Variants in MGAT5 observed in about 807,000 individuals in gnomAD.
MGAT5 encodes the protein alpha-1,6-mannosylglycoprotein 6-beta-N-acetylglucosaminyltransferase.
Under a neutral mutation model 94.3 loss-of-function variants are expected in MGAT5, and 30 were observed. That is an observed-to-expected ratio of 0.32 (90% CI 0.24 to 0.43). The LOEUF (loss-of-function observed/expected upper bound fraction) is 0.43, where lower values mean the gene tolerates loss of function less well. MGAT5 is among the 20% of genes least tolerant of loss of function. The pLI is 1.00. For missense variants in MGAT5, 691 were observed against 905.5 expected, an observed-to-expected ratio of 0.76 and a Z score of 3.04; for synonymous variants, 310 against 322.9, an observed-to-expected ratio of 0.96 and a Z score of 0.43.
rs146396288 is a variant in MGAT5 at position 134,317,564 on chromosome 2, C to T, written c.442C>T (p.Pro148Ser). Residue 148 changes from proline (P) to serine (S), a missense_variant, in exon 3 of 16, where the codon CCT (proline) becomes TCT (serine). This residue lies in a region of MGAT5 where 307 missense variants were observed against 335.4 expected (regional missense o/e 0.92). Coordinates refer to ENST00000281923, the MANE Select transcript of MGAT5 (RefSeq NM_002410.5). ...CGGAGCTCAAGAAAAATGTGTATTG[C>T]CTCCTATGGACGGCTACCCTCACTG... Reference protein sequence around the residue: ...INGAQEKCVLPPMDGYPHCEG... With the variant: ...INGAQEKCVLSPMDGYPHCEG... The T allele has an allele frequency of 4.8e-5, 76 of 1,569,714 alleles. No homozygotes were observed. The African/African-American group carries it at 9.7e-4, about 20-fold the overall frequency.
At chr2:134,265,701 C>T (rs749910160) in intron 1 of MGAT5, among the ~76,000 whole-genome samples, 59 of 152,034 alleles carry the variant, frequency 3.9e-4, no homozygotes, top group Non-Finnish European at 5.3e-4. Flanking sequence ...TTTAAAAGCT[C>T]ATTAGTAATT....
At position 134,227,109 on chromosome 2, in the gene MGAT5, AGT is replaced by A. The variant is rs550033658; in HGVS notation, c.-142-27150_-142-27149del. On this transcript the variant is annotated intron_variant, in intron 1 of 16. Coordinates refer to the MGAT5 transcript ENST00000409645. ...TACCAAGGGTATATCCTTATCAATG[AGT>A]GTAACTGGTGTTGTGTTCTCTCTGG... Among the ~76,000 whole-genome samples, 26 of 152,176 alleles carry A rather than the reference AGT, an allele frequency of 1.7e-4. No homozygotes were observed. In the South Asian group the frequency reaches 5.4e-3, roughly 32 times the overall value.
At chr2:134,362,248 T>C (rs1341147124) in intron 9 of MGAT5, 27 bp from the exon 10 acceptor site, 2 of 1,608,632 alleles carry the variant, frequency 1.2e-6, no homozygotes. Context: ...GGACACTAAC[T>C]GTCCTCTCCA....
chr2:134,325,386 A>G (rs888262867), intron 4 of MGAT5, among the ~76,000 whole-genome samples: 9 of 152,124 alleles, frequency 5.9e-5, no homozygotes. Flanking sequence ...AAACTTTTTA[A>G]TATGCAAAAT....
rs1207342540 is a variant in MGAT5, at chr2:134,186,346, G to T, written c.-143+66055G>T. On this transcript the variant is annotated intron_variant, in intron 1 of 16. Coordinates refer to the MGAT5 transcript ENST00000409645. ...GTATAAAGACTGAGCAGCCAGAGGG[G>T]ATAGTCAAGGAAAAAGGAGCCCTGG... 5.3e-5 allele frequency among the ~76,000 whole-genome samples: 8 copies of T among 152,108 alleles called. No homozygotes were observed. The East Asian group carries it at 1.5e-3, about 29-fold the overall frequency.
At chr2:134,285,479 A>G (rs1684945848) in intron 2 of MGAT5, among the ~76,000 whole-genome samples, 1 of 152,180 alleles carries the variant, frequency 6.6e-6, no homozygotes, top group Non-Finnish European at 1.5e-5. Flanking sequence ...GTTTCTTAGA[A>G]ACAGAATGGC....
In MGAT5 at chr2:134,273,131, T is replaced by TG. The variant is rs151315415; in HGVS notation, c.406+2590dup. Among the ~76,000 whole-genome samples the TG allele has an allele frequency of 8.3e-3, 1,247 of 150,596 alleles. 17 individuals carry two copies. Among genetic ancestry groups the TG allele is most frequent in the Admixed American group, 0.018 (274 of 15,100 alleles). ...AGCCTTCTTCATTTCCCCCAGAAGGTGGGGGGGGGTCCTTTATATCTTGTC... is the reference window on the plus strand; with the variant it reads ...AGCCTTCTTCATTTCCCCCAGAAGGTGGGGGGGGGGTCCTTTATATCTTGTC... On this transcript the variant is annotated intron_variant, in intron 2 of 15. Coordinates refer to ENST00000281923, the MANE Select transcript of MGAT5 (RefSeq NM_002410.5).
intron 5 of MGAT5, 91 bp from the exon 6 acceptor site, chr2:134,338,168 C>A: frequency 9.3e-7 from 1 of 1,076,904 alleles, no homozygotes; most frequent in Non-Finnish European, 1.3e-6. Context: ...AATTGACTAA[C>A]CCTTTTAAGT....
chr2:134,387,332 A>ATATATATATATATATATC, intron 10 of MGAT5, among the ~76,000 whole-genome samples: 1 of 24,274 alleles, frequency 4.1e-5, no homozygotes, highest in Non-Finnish European at 6.4e-5. Context: ...ATATATATAT[A>ATATATATATATATATATC]TTTTTTTTTT....
At chr2:134,152,856 A>G (rs1046785958) in intron 1 of MGAT5, among the ~76,000 whole-genome samples, 2 of 151,940 alleles carry the variant, frequency 1.3e-5, no homozygotes, top group Non-Finnish European at 2.9e-5. Flanking sequence ...AACTTGTCAA[A>G]AGGGGAGATC....
intron 10 of MGAT5, among the ~76,000 whole-genome samples, chr2:134,375,711 G>T (rs1049248867): frequency 4.6e-5 from 7 of 152,192 alleles, no homozygotes; most frequent in African/African-American, 9.6e-5. Context: ...TTAAAAATTG[G>T]GTGGTAGAGC....
chr2:134,381,536 C>CAGAT (rs57978433), intron 10 of MGAT5, among the ~76,000 whole-genome samples: 8,383 of 146,906 alleles, frequency 0.057, 795 homozygotes, highest in African/African-American at 0.19. Flanking sequence ...GACAGACAGA[C>CAGAT]AGATAGATAG....
At chr2:134,386,376 T>A (rs1681973906) in intron 10 of MGAT5, among the ~76,000 whole-genome samples, 1 of 152,244 alleles carries the variant, frequency 6.6e-6, no homozygotes, top group African/African-American at 2.4e-5. Context: ...GTGTATCAAA[T>A]TAAGAATTAC....
rs926841393 is a variant in MGAT5, at chr2:134,286,669, C to T, written c.406+16119C>T. On this transcript the variant is annotated intron_variant, in intron 2 of 15. Transcript: ENST00000281923. ...TCCTGACCTCAGGTGATCTGCCTGC[C>T]TCGCCCTCCCAAAGTGCTGAGATTA... is the stretch of plus-strand genomic sequence containing the variant. Among the ~76,000 whole-genome samples the T allele has an allele frequency of 2.6e-5, 4 of 152,108 alleles. No individual in the cohort carries two copies. The East Asian group carries it at 7.7e-4, about 29-fold the overall frequency.
chr2:134,263,933 C>T (rs535553243), intron 1 of MGAT5, among the ~76,000 whole-genome samples: 1 of 149,330 alleles, frequency 6.7e-6, no homozygotes, highest in African/African-American at 2.5e-5. Flanking sequence ...AAAAGTGATA[C>T]GTACATGTGT....
chr2:134,198,702 G>A (rs1390035892), intron 1 of MGAT5, among the ~76,000 whole-genome samples: 1 of 152,186 alleles, frequency 6.6e-6, no homozygotes, highest in Non-Finnish European at 1.5e-5. Context: ...CACGTTCTCA[G>A]GGAGGTGCCC....
At chr2:134,360,873 A>G (rs1008795323) in intron 9 of MGAT5, among the ~76,000 whole-genome samples, 1 of 139,776 alleles carries the variant, frequency 7.2e-6, no homozygotes, top group African/African-American at 2.4e-5. Flanking sequence ...ACTGAACACA[A>G]CTCCCCAGCC....
At chr2:134,187,640 A>G (rs1689111625) in intron 1 of MGAT5, among the ~76,000 whole-genome samples, 1 of 152,242 alleles carries the variant, frequency 6.6e-6, no homozygotes, top group South Asian at 2.1e-4. Context: ...TGTAAGTGTC[A>G]TGAGGGCAGG....
chr2:134,341,107 G>A (rs114205039), intron 6 of MGAT5, among the ~76,000 whole-genome samples: 7 of 152,124 alleles, frequency 4.6e-5, no homozygotes, highest in African/African-American at 1.7e-4. Flanking sequence ...AATCTAGAGG[G>A]GTTGGGAGAA....
Sources: allele counts gnomAD v4.1 joint callset (sites outside exome capture counted in the v4.1 genomes callset), GRCh38; gene constraint gnomAD v4.1.1; regional missense constraint gnomAD v4.1.1; transcripts MANE v1.5; gene names NCBI Gene and HGNC (gene_info 2026-07-23, HGNC 2026-07-21).